PCNX1: variants seen among roughly 807,000 people sequenced by gnomAD.
PCNX1 encodes pecanex-like protein 1.
In PCNX1, 78 loss-of-function variants were observed where a neutral mutation model predicts 242.2. The observed-to-expected ratio is 0.32, with a 90% CI of 0.27 to 0.39. The LOEUF (loss-of-function observed/expected upper bound fraction) is 0.39, where lower values mean the gene tolerates loss of function less well. PCNX1 is among the 10% of genes least tolerant of loss of function. The pLI is 1.00. For synonymous variants in PCNX1, 1,024 were observed against 1,032.9 expected, an observed-to-expected ratio of 0.99 and a Z score of 0.17; for missense variants, 2,581 against 2,856.5, an observed-to-expected ratio of 0.90 and a Z score of 2.20.
intron 1 of PCNX1, among the ~76,000 whole-genome samples, chr14:70,915,301 T>C (rs966954198): frequency 2.0e-5 from 3 of 152,194 alleles, no homozygotes; most frequent in African/African-American, 4.8e-5. Context: ...CCCTTTTCTC[T>C]TTCCAAATAA....
chr14:71,109,852 A>C lies in PCNX1; in HGVS notation c.6943A>C (p.Lys2315Gln), dbSNP rs1252658432. The change falls in exon 36 of 36, where the codon AAG (lysine) becomes CAG (glutamine). Residue 2315 changes from lysine to glutamine, a missense_variant. By Grantham distance (53) the Lys-to-Gln change is moderately conservative. Transcript: ENST00000304743. ...TCCAGGTACCAGATCCCACATCGAC[A>C]AGGCAGTGCTTCTGGTCCAGATTGA... Reference protein sequence around the residue: ...RDPGTRSHIDKAVLLVQIDDK... With the variant: ...RDPGTRSHIDQAVLLVQIDDK... The C allele has an allele frequency of 2.5e-6, 4 of 1,612,826 alleles. No homozygotes were observed. The highest frequency in any genetic ancestry group is 3.4e-6 in the Non-Finnish European group (4 of 1,178,888).
At chr14:70,935,368 G>A (rs576663566) in intron 1 of PCNX1, among the ~76,000 whole-genome samples, 2 of 152,148 alleles carry the variant, frequency 1.3e-5, no homozygotes, top group African/African-American at 2.4e-5. Context: ...GCAACATAGC[G>A]AGACACTGTC....
At chr14:71,095,939 G>T (rs1206836633) in intron 30 of PCNX1, among the ~76,000 whole-genome samples, 1 of 152,196 alleles carries the variant, frequency 6.6e-6, no homozygotes, top group Non-Finnish European at 1.5e-5. Flanking sequence ...ACTTTGGGAG[G>T]CCGAGGCAGG....
At chr14:70,921,161 A>G (rs1227076474) in intron 1 of PCNX1, among the ~76,000 whole-genome samples, 2 of 152,176 alleles carry the variant, frequency 1.3e-5, no homozygotes, top group Non-Finnish European at 2.9e-5. Flanking sequence ...TATAAAAACA[A>G]ACAATTCAGA....
chr14:71,021,103 C>T (rs1410050502), intron 12 of PCNX1, among the ~76,000 whole-genome samples: 1 of 152,128 alleles, frequency 6.6e-6, no homozygotes, highest in Non-Finnish European at 1.5e-5. Flanking sequence ...GGCCTCTGTT[C>T]TGTTCCATTG....
chr14:71,079,262 T>G (rs1315045991), intron 28 of PCNX1, among the ~76,000 whole-genome samples: 2 of 152,254 alleles, frequency 1.3e-5, no homozygotes, highest in East Asian at 1.9e-4. Context: ...GCATTTGGAT[T>G]GGTTCCAAGT....
intron 28 of PCNX1, among the ~76,000 whole-genome samples, chr14:71,082,438 A>G (rs2061877974): frequency 6.6e-6 from 1 of 151,702 alleles, no homozygotes; most frequent in African/African-American, 2.4e-5. Flanking sequence ...TCGCTGATCT[A>G]ATATTGACAG....
intron 7 of PCNX1, among the ~76,000 whole-genome samples, chr14:70,991,920 A>T (rs892761798): frequency 2.0e-5 from 3 of 152,208 alleles, no homozygotes; most frequent in Admixed American, 6.5e-5. Context: ...ACTTTAATGA[A>T]TATGTAAGTG....
rs2062476388 is a variant in PCNX1 at position 71,101,982 on chromosome 14, G to T, written c.5590-8G>T. On this transcript the variant is annotated splice_polypyrimidine_tract_variant and splice_region_variant and intron_variant, in intron 30 of 35. Coordinates refer to ENST00000304743, the MANE Select transcript of PCNX1 (RefSeq NM_014982.3). ...CTTTAAAAATTTATATATTATTTTT[G>T]TATTTAGGATCATTTTACTTCTCCA... 7 of 1,436,720 alleles carry T rather than the reference G, an allele frequency of 4.9e-6. No individual in the cohort carries two copies. Among genetic ancestry groups the T allele is most frequent in the Admixed American group, 2.1e-5 (1 of 47,988 alleles). 89.0% of individuals were successfully genotyped at this position (1,436,720 alleles called of 1,614,324 possible).
intron 1 of PCNX1, among the ~76,000 whole-genome samples, chr14:70,926,748 A>G (rs1165974505): frequency 6.6e-6 from 1 of 152,122 alleles, no homozygotes; most frequent in Non-Finnish European, 1.5e-5. Flanking sequence ...TGAGGGATGC[A>G]TGTGTGAAAA....
At position 71,108,821 on chromosome 14, in the gene PCNX1, C is replaced by T; in HGVS notation, c.6519C>T (p.Asn2173=). The change falls in exon 34 of 36, where the codon AAC becomes AAT. Residue 2173 remains asparagine, a synonymous_variant. Transcript: ENST00000304743. ...SSIQSRLSMV[N]QMEPSGQSGL... ...TCCAATCCCGACTGTCGATGGTGAA[C>T]CAAATGGAACCCTCAGGTCAGAGCG... The T allele has an allele frequency of 6.2e-7, 1 of 1,614,254 alleles. No homozygotes were observed. The highest frequency in any genetic ancestry group is 8.5e-7 in the Non-Finnish European group (1 of 1,180,044).
intron 1 of PCNX1, among the ~76,000 whole-genome samples, chr14:70,924,752 G>A (rs1403293400): frequency 6.6e-6 from 1 of 151,766 alleles, no homozygotes; most frequent in Non-Finnish European, 1.5e-5. Context: ...CCACGCCTGG[G>A]TAATTTTTGT....
chr14:71,076,747 C>G (rs926927857), intron 28 of PCNX1, among the ~76,000 whole-genome samples: 1 of 152,150 alleles, frequency 6.6e-6, no homozygotes, highest in African/African-American at 2.4e-5. Flanking sequence ...GAAATTCTAC[C>G]TCTGTCTGCC....
intron 32 of PCNX1, among the ~76,000 whole-genome samples, chr14:71,104,187 T>C (rs7148530): frequency 0.16 from 24,088 of 152,172 alleles, 2,473 homozygotes; most frequent in African/African-American, 0.28. Flanking sequence ...ATGATTTTTT[T>C]TCTCTGTCTT....
intron 2 of PCNX1, among the ~76,000 whole-genome samples, chr14:70,958,898 C>CTT (rs56362741): frequency 0.41 from 27,322 of 66,354 alleles, 9,205 homozygotes; most frequent in Non-Finnish European, 0.47. Flanking sequence ...TTTGGGGTTG[C>CTT]TTTTTTTTTT....
chr14:71,039,253 C>A (rs79253066), intron 19 of PCNX1, among the ~76,000 whole-genome samples: 2,987 of 151,914 alleles, frequency 0.02, 43 homozygotes, highest in African/African-American at 0.034. Flanking sequence ...ACAAAAAAAA[C>A]CAAATACTTA....
rs374611988 is a variant in PCNX1, at chr14:71,047,948, G to A, written c.4302G>A (p.Leu1434=). Residue 1434 remains leucine, a synonymous_variant, in exon 22 of 36, where the codon CTG becomes CTA. Transcript: ENST00000304743. ...FDYEAFSETM[L]LDLFFMSILF... is the part of the protein sequence containing the mutation. ...ATGAAGCTTTTTCAGAGACCATGCT[G>A]TTGGATCTCTTCTTTATGTCCATAC... The A allele has an allele frequency of 6.2e-6, 10 of 1,612,752 alleles. No individual in the cohort carries two copies. In the African/African-American group the frequency reaches 8.0e-5, roughly 13 times the overall value.
chr14:71,000,101 TG>T (rs1460802178), intron 8 of PCNX1, among the ~76,000 whole-genome samples: 5 of 152,140 alleles, frequency 3.3e-5, no homozygotes, highest in African/African-American at 1.2e-4. Flanking sequence ...TGATCATTTT[TG>T]GGGGGTGAGG....
intron 28 of PCNX1, 33 bp from the exon 29 acceptor site, chr14:71,088,297 T>G (rs2062043528): frequency 8.0e-7 from 1 of 1,257,684 alleles, no homozygotes; most frequent in African/African-American, 1.5e-5. Context: ...TTACATACCT[T>G]TCTGATAACT....
Sources: gnomAD v4.1 joint callset for allele counts (sites outside exome capture counted in the v4.1 genomes callset) on GRCh38, gnomAD v4.1.1 for gene constraint, MANE v1.5 for transcripts, NCBI Gene and HGNC (gene_info 2026-07-23, HGNC 2026-07-21) for gene names.